The following ERMAP variants were observed in gnomAD, a reference collection of about 807,000 sequenced individuals.
The protein encoded by ERMAP is erythroblast membrane associated protein (Scianna blood group), also known as erythroid membrane-associated protein.
A neutral mutation model predicts 49.5 loss-of-function variants in ERMAP; 34 were observed. The ratio of observed to expected loss-of-function variants is 0.69; its 90% confidence interval spans 0.52 to 0.91. The LOEUF (loss-of-function observed/expected upper bound fraction) is 0.91, where lower values mean the gene tolerates loss of function less well. Ranked by LOEUF, ERMAP falls within the 40% of genes least tolerant of loss-of-function variation. The pLI, the probability that ERMAP is intolerant of heterozygous loss-of-function variation, is 0.00. For synonymous variants in ERMAP, 214 were observed against 232.2 expected (o/e 0.92, Z 0.71); for missense variants, 541 against 582.6 (o/e 0.93, Z 0.74).
At chr1:42,830,240 C>A in intron 2 of ERMAP, 1 of 583,000 alleles carries the variant, frequency 1.7e-6, no homozygotes, top group Non-Finnish European at 3.1e-6. Context: ...GTTCTTTTAC[C>A]CATTTTGAAG....
At position 42,842,724 on chromosome 1, in the gene ERMAP, T is replaced by C. The variant is rs774127414; in HGVS notation, c.920T>C (p.Leu307Pro). 6.2e-7 allele frequency: 1 copy of C among 1,614,170 alleles called. No individual in the cohort carries two copies. The highest frequency in any genetic ancestry group is 1.7e-5 in the Admixed American group (1 of 60,024). ...VYVGDKTKWI[L>P]GVCSESVSRK... is the part of the protein sequence containing the mutation. ...GTGGGAGACAAGACCAAATGGATTC[T>C]TGGAGTATGTAGTGAGTCAGTGAGC... The change falls in exon 12 of 12, where the codon CTT becomes CCT. Residue 307 changes from leucine to proline, a missense_variant. Physicochemically the swap from Leu to Pro is moderately conservative, Grantham distance 98 (BLOSUM62 -3). Coordinates refer to ENST00000372517, the MANE Select transcript of ERMAP (RefSeq NM_001017922.2).
At chr1:42,820,061 A>T (rs1016319689) in intron 1 of ERMAP, among the ~76,000 whole-genome samples, 1 of 152,030 alleles carries the variant, frequency 6.6e-6, no homozygotes, top group African/African-American at 2.4e-5. Context: ...ATTTTCTTTC[A>T]TCCTTGAGTG....
At chr1:42,831,572 T>TTCC (rs1557609243) in intron 4 of ERMAP, among the ~76,000 whole-genome samples, 1 of 51,610 alleles carries the variant, frequency 1.9e-5, no homozygotes. Flanking sequence ...TTTTTTTTTT[T>TTCC]CTCTTTTTTT....
chr1:42,824,867 C>T (rs901151389), intron 1 of ERMAP: 5 of 152,154 alleles, frequency 3.3e-5, no homozygotes, highest in Non-Finnish European at 7.3e-5. Flanking sequence ...TAGAAAGCCC[C>T]AAGACAGGCA....
chr1:42,836,930 C>A, intron 6 of ERMAP: 18 of 370,396 alleles, frequency 4.9e-5, no homozygotes, highest in South Asian at 8.9e-5. Flanking sequence ...CTAAACAATT[C>A]TCTCAGGCTG....
At chr1:42,840,203 G>C (rs764726889) in intron 10 of ERMAP, 25 bp downstream of exon 10, 6 of 1,613,956 alleles carry the variant, frequency 3.7e-6, no homozygotes, top group Non-Finnish European at 5.1e-6. Context: ...CTCCACATTT[G>C]ACCACCACCC....
chr1:42,830,633 G>T, intron 3 of ERMAP, 100 bp downstream of exon 3: 1 of 1,484,584 alleles, frequency 6.7e-7, no homozygotes. Context: ...TTGGGGTTCT[G>T]TTCCCCCGGC....
At chr1:42,820,361 G>A (rs1654374998) in intron 1 of ERMAP, among the ~76,000 whole-genome samples, 1 of 148,260 alleles carries the variant, frequency 6.7e-6, no homozygotes, top group Non-Finnish European at 1.5e-5. Flanking sequence ...TCTGGGAAAC[G>A]TTCTCTGTGA....
At chr1:42,829,673 C>T (rs576167314) in intron 2 of ERMAP, among the ~76,000 whole-genome samples, 7 of 152,322 alleles carry the variant, frequency 4.6e-5, no homozygotes, top group Admixed American at 4.6e-4. Flanking sequence ...AACAACTACA[C>T]ACTTATGAGC....
Position 42,838,903 on chromosome 1 carries a change from A to G in ERMAP, c.619A>G (p.Lys207Glu). ...TTCTCTCTCTTTCTGGTTTTTAGGA[A>G]AACTCCATAAAGCTGTCAGTAAGTT... is the stretch of plus-strand genomic sequence containing the variant. ...LLSDHAKEKG[K>E]LHKAVKKLRS... is the part of the protein sequence containing the mutation. Residue 207 changes from lysine to glutamate, a missense_variant and splice_region_variant, in exon 8 of 12, where the codon AAA (lysine) becomes GAA (glutamate). Physicochemically the swap from Lys to Glu is moderately conservative, Grantham distance 56 (BLOSUM62 1). Coordinates refer to ENST00000372517, the MANE Select transcript of ERMAP (RefSeq NM_001017922.2). 6.2e-7 allele frequency: 1 copy of G among 1,614,154 alleles called. No homozygotes were observed. Among genetic ancestry groups the G allele is most frequent in the Non-Finnish European group, 8.5e-7 (1 of 1,180,010 alleles).
chr1:42,823,935 GT>G (rs1654465868), intron 1 of ERMAP, among the ~76,000 whole-genome samples: 1 of 152,228 alleles, frequency 6.6e-6, no homozygotes, highest in Non-Finnish European at 1.5e-5. Context: ...GATGAATGTA[GT>G]TTTAACCTGG....
intron 11 of ERMAP, chr1:42,842,129 G>A (rs997627627): frequency 5.3e-6 from 1 of 190,438 alleles, no homozygotes. Flanking sequence ...TGTGAAAACT[G>A]CATTCATCTC....
At chr1:42,841,517 C>A (rs1419036335) in intron 11 of ERMAP, among the ~76,000 whole-genome samples, 1 of 152,148 alleles carries the variant, frequency 6.6e-6, no homozygotes, top group Non-Finnish European at 1.5e-5. Context: ...CATAGTGAGA[C>A]CCTTCCTCAA....
chr1:42,827,949 T>C (rs759272135), intron 2 of ERMAP, among the ~76,000 whole-genome samples: 1 of 152,148 alleles, frequency 6.6e-6, no homozygotes, highest in Non-Finnish European at 1.5e-5. Flanking sequence ...ATGTTGTCAG[T>C]ACTGAAGACA....
At chr1:42,835,846 T>C (rs1461407155) in intron 6 of ERMAP, 82 bp downstream of exon 6, 54 of 1,523,256 alleles carry the variant, frequency 3.5e-5, no homozygotes, top group Non-Finnish European at 4.6e-5. Context: ...TAACCTGGAT[T>C]CTGTTCCTGA....
chr1:42,839,767 C>G (rs988560340), intron 8 of ERMAP: 1 of 554,490 alleles, frequency 1.8e-6, no homozygotes, highest in Non-Finnish European at 3.2e-6. Flanking sequence ...GTTGTCATTA[C>G]CTGTAGGTGT....
Position 42,842,497 on chromosome 1 carries a change from C to T in ERMAP, c.713-20C>T, listed in dbSNP as rs1454648186. Reference sequence around the variant, plus strand: ...TAAGACCTATACTTCCAAGCCTCACCTGTCTGTGTCTCTTTGCAGTGGCAG... The same window carrying T: ...TAAGACCTATACTTCCAAGCCTCACTTGTCTGTGTCTCTTTGCAGTGGCAG... On this transcript the variant is annotated intron_variant, in intron 11 of 11. Coordinates refer to ENST00000372517, the MANE Select transcript of ERMAP (RefSeq NM_001017922.2). The T allele has an allele frequency of 1.9e-6, 3 of 1,598,470 alleles. 1 individual carries two copies. The South Asian group carries it at 3.4e-5, about 18-fold the overall frequency.
Position 42,831,223 on chromosome 1 carries a change from G to GT in ERMAP, c.433+113dup, listed in dbSNP as rs1654721195. 8.2e-6 allele frequency: 11 copies of GT among 1,337,718 alleles called. No homozygotes were observed. In the South Asian group the frequency reaches 1.2e-4, roughly 14 times the overall value. 82.9% of individuals were successfully genotyped at this position (1,337,718 alleles called of 1,614,324 possible). On this transcript the variant is annotated intron_variant, in intron 4 of 11. Transcript: ENST00000372517. The stretch of plus-strand genomic sequence containing the variant: ...AGACTTTTCTTTCATCTGCAGTGTA[G>GT]TTTTTACTTGCCAGGATGGCTCAGC...
intron 6 of ERMAP, 104 bp downstream of exon 6, chr1:42,835,868 T>C: frequency 1.3e-6 from 2 of 1,492,920 alleles, no homozygotes; most frequent in Non-Finnish European, 1.8e-6. Context: ...AATTCCATTA[T>C]CTGCTATCCT....
Sources: allele counts gnomAD v4.1 joint callset (sites outside exome capture counted in the v4.1 genomes callset), GRCh38; gene constraint gnomAD v4.1.1; transcripts MANE v1.5; gene names NCBI Gene and HGNC (gene_info 2026-07-23, HGNC 2026-07-21).